PTPRB: variants seen among roughly 807,000 people sequenced by gnomAD.
The protein encoded by PTPRB is protein tyrosine phosphatase receptor type B, also known as receptor-type tyrosine-protein phosphatase beta.
Under a neutral mutation model 238.1 loss-of-function variants are expected in PTPRB, and 97 were observed. The observed-to-expected ratio is 0.41, with a 90% CI of 0.35 to 0.48. The LOEUF (loss-of-function observed/expected upper bound fraction) is 0.48, where lower values mean the gene tolerates loss of function less well. Ranked by LOEUF, PTPRB falls within the 20% of genes least tolerant of loss-of-function variation. PTPRB has a pLI of 0.30. For missense variants in PTPRB, 2,292 were observed against 2,681.9 expected (o/e 0.85, Z 3.21); for synonymous variants, 970 against 995.4 (o/e 0.97, Z 0.48).
chr12:70,622,251 C>A, intron 3 of PTPRB, 139 bp downstream of exon 3: 1 of 1,266,784 alleles, frequency 7.9e-7, no homozygotes, highest in Non-Finnish European at 1.1e-6. Context: ...CTTTCCTGTA[C>A]AATTAGCAGC....
intron 20 of PTPRB, among the ~76,000 whole-genome samples, chr12:70,554,376 C>A (rs1414724325): frequency 6.6e-6 from 1 of 152,150 alleles, no homozygotes; most frequent in Non-Finnish European, 1.5e-5. Context: ...ATTCCAGGCA[C>A]AAGCATCTCT....
intron 9 of PTPRB, 130 bp from the exon 10 acceptor site, chr12:70,581,432 CT>C (rs1881384280): frequency 1.0e-6 from 1 of 973,582 alleles, no homozygotes; most frequent in Non-Finnish European, 1.5e-6. Flanking sequence ...GCTATAGACT[CT>C]CAGTTCTATT....
intron 32 of PTPRB, chr12:70,527,575 C>T (rs1037563979): frequency 3.3e-5 from 5 of 152,146 alleles, no homozygotes; most frequent in Admixed American, 6.5e-5. Flanking sequence ...TTATTGCTCC[C>T]TTAATGTGTC....
In PTPRB at chr12:70,605,735, T is replaced by C. The variant is rs145414498; in HGVS notation, c.979+3334A>G. The stretch of plus-strand genomic sequence containing the variant: ...TACATTTGGGTTTTAATGTGAATTT[T>C]TGATTTTTAATGCTGGTGAAATGAT... On this transcript the variant is annotated intron_variant, in intron 4 of 33. Transcript: ENST00000334414. Among the ~76,000 whole-genome samples the C allele has an allele frequency of 1.9e-3, 297 of 152,320 alleles. 2 individuals carry two copies. Among genetic ancestry groups the C allele is most frequent in the African/African-American group, 6.1e-3 (252 of 41,568 alleles).
chr12:70,572,932 A>C (rs550501487), intron 11 of PTPRB, among the ~76,000 whole-genome samples: 1 of 152,130 alleles, frequency 6.6e-6, no homozygotes, highest in African/African-American at 2.4e-5. Context: ...CATCCATTTG[A>C]CTGGCAAAAT....
In PTPRB at chr12:70,544,677, C is replaced by A. The variant is rs1283482649; in HGVS notation, c.5388-14G>T. The A allele has an allele frequency of 6.6e-7, 1 of 1,523,008 alleles. No individual in the cohort carries two copies. Among genetic ancestry groups the A allele is most frequent in the Non-Finnish European group, 8.9e-7 (1 of 1,129,508 alleles). 94.3% of individuals were successfully genotyped at this position (1,523,008 alleles called of 1,614,324 possible). ...CGAATGCTGATTCTGAAAAGAAAAC[C>A]GATTTATTTAAATATAAATTAGTTG... On this transcript the variant is annotated splice_polypyrimidine_tract_variant and intron_variant, in intron 21 of 33. Transcript: ENST00000334414.
rs146712986 is a variant in PTPRB, at chr12:70,592,052, G to A, written c.1780+230C>T. 1,744 of 580,764 alleles carry A rather than the reference G, an allele frequency of 3.0e-3. 7 individuals carry two copies. Among genetic ancestry groups the A allele is most frequent in the Non-Finnish European group, 3.7e-3 (1,219 of 330,196 alleles). The allele number at this position is 580,764 out of a possible 1,614,324, so 36.0% of individuals were successfully genotyped here. On this transcript the variant is annotated intron_variant, in intron 7 of 33. Coordinates refer to ENST00000334414, the MANE Select transcript of PTPRB (RefSeq NM_001109754.4). ...AATGCATTTATGCTACTTAAGTGACGTGACATGAAAAAGCATAAGACAGAA... is the reference window on the plus strand; with the variant it reads ...AATGCATTTATGCTACTTAAGTGACATGACATGAAAAAGCATAAGACAGAA...
chr12:70,572,932 A>G (rs550501487), intron 11 of PTPRB, among the ~76,000 whole-genome samples: 19 of 152,248 alleles, frequency 1.2e-4, no homozygotes, highest in African/African-American at 4.3e-4. Context: ...CATCCATTTG[A>G]CTGGCAAAAT....
intron 15 of PTPRB, 120 bp from the exon 16 acceptor site, chr12:70,563,227 G>A: frequency 9.6e-7 from 1 of 1,046,240 alleles, no homozygotes; most frequent in Non-Finnish European, 1.4e-6. Flanking sequence ...ACGGGAAACA[G>A]TAACAATAGG....
At chr12:70,621,579 A>T (rs1264326679) in intron 3 of PTPRB, among the ~76,000 whole-genome samples, 1 of 152,216 alleles carries the variant, frequency 6.6e-6, no homozygotes, top group Non-Finnish European at 1.5e-5. Context: ...TCAATAATGA[A>T]ACATGTGCTC....
chr12:70,544,270 G>A (rs4761220), intron 22 of PTPRB, among the ~76,000 whole-genome samples: 30,707 of 151,852 alleles, frequency 0.2, 3,738 homozygotes, highest in Middle Eastern at 0.37. Context: ...ATTTTGGCCT[G>A]TGAAAACTCT....
At chr12:70,524,034 G>A (rs1182847869) in intron 33 of PTPRB, among the ~76,000 whole-genome samples, 2 of 151,886 alleles carry the variant, frequency 1.3e-5, no homozygotes, top group Non-Finnish European at 1.5e-5. Context: ...TGGTCTCGAG[G>A]TGATCTGCCC....
At chr12:70,536,278 A>G in intron 28 of PTPRB, 119 bp from the exon 29 acceptor site, 1 of 1,192,270 alleles carries the variant, frequency 8.4e-7, no homozygotes, top group South Asian at 1.6e-5. Context: ...CTTCAGAAAA[A>G]GATACTAACA....
At chr12:70,630,014 G>A (rs927112088) in intron 2 of PTPRB, among the ~76,000 whole-genome samples, 1 of 152,124 alleles carries the variant, frequency 6.6e-6, no homozygotes, top group Admixed American at 6.5e-5. Context: ...TCTACCAGAG[G>A]TACAAAGAGG....
chr12:70,628,138 T>G (rs941188361), intron 2 of PTPRB, among the ~76,000 whole-genome samples: 14 of 152,038 alleles, frequency 9.2e-5, no homozygotes, highest in Admixed American at 8.5e-4. Context: ...CACTTGAAAA[T>G]TTGCCTACAA....
In PTPRB at chr12:70,556,022, T is replaced by A. The variant is rs1186237090; in HGVS notation, c.4841A>T (p.Glu1614Val). Reference sequence around the variant, plus strand: ...CTCCAGCTTTCTGGAAAACTCAACTTCTTGGGTGTCCATTTTCCGGCATTC... The same window carrying A: ...CTCCAGCTTTCTGGAAAACTCAACTACTTGGGTGTCCATTTTCCGGCATTC... ...SIECRKMDTQ[E>V]VEFSRKLEKE... The change falls in exon 19 of 34, where the codon GAA (glutamate) becomes GTA (valine). Residue 1614 changes from glutamate (E) to valine (V), a missense_variant. By Grantham distance (121) the Glu-to-Val change is moderately radical (BLOSUM62 -2). This residue lies in a region of PTPRB where 683 missense variants were observed against 862.0 expected (regional missense o/e 0.79). Coordinates refer to ENST00000334414, the MANE Select transcript of PTPRB (RefSeq NM_001109754.4). 6.2e-7 allele frequency: 1 copy of A among 1,613,866 alleles called. No individual in the cohort carries two copies. The highest frequency in any genetic ancestry group is 8.5e-7 in the Non-Finnish European group (1 of 1,179,892).
chr12:70,524,705 C>T, intron 32 of PTPRB, 114 bp from the exon 33 acceptor site: 2 of 1,066,152 alleles, frequency 1.9e-6, no homozygotes, highest in Non-Finnish European at 2.6e-6. Flanking sequence ...ATTTCTTGAA[C>T]ATCGCTTCAC....
chr12:70,566,819 TTG>T (rs1334447463), intron 14 of PTPRB, 115 bp from the exon 15 acceptor site: 2 of 1,100,682 alleles, frequency 1.8e-6, no homozygotes, highest in Non-Finnish European at 2.6e-6. Flanking sequence ...TTTGCTTTAT[TTG>T]TGTGTCATTG....
At chr12:70,555,437 T>C in intron 19 of PTPRB, 128 bp from the exon 20 acceptor site, 1 of 874,298 alleles carries the variant, frequency 1.1e-6, no homozygotes, top group Non-Finnish European at 1.7e-6. Context: ...CGTGTGCCTG[T>C]GTTTAATGCT....
Sources: gnomAD v4.1 joint callset for allele counts (sites outside exome capture counted in the v4.1 genomes callset) on GRCh38, gnomAD v4.1.1 for gene constraint, gnomAD v4.1.1 regional missense constraint, MANE v1.5 for transcripts, NCBI Gene and HGNC (gene_info 2026-07-23, HGNC 2026-07-21) for gene names.